Variants in MEI1 observed in about 807,000 individuals in gnomAD.
The protein encoded by MEI1 is meiotic double-stranded break formation protein 1.
A neutral mutation model predicts 146.2 loss-of-function variants in MEI1; 103 were observed. That is an observed-to-expected ratio of 0.70 (90% CI 0.60 to 0.83). The LOEUF is 0.83. MEI1 is among the 40% of genes least tolerant of loss of function. The pLI, the probability that MEI1 is intolerant of heterozygous loss-of-function variation, is 0.00. For missense variants in MEI1, 1,529 were observed against 1,533.0 expected, an observed-to-expected ratio of 1.00 and a Z score of 0.04; for synonymous variants, 652 against 628.2, an observed-to-expected ratio of 1.04 and a Z score of -0.57.
In MEI1 at chr22:41,753,986, T is replaced by C. The variant is rs748650899; in HGVS notation, c.1891T>C (p.Tyr631His). 5.0e-6 allele frequency: 8 copies of C among 1,613,634 alleles called. No individual in the cohort carries two copies. Among genetic ancestry groups the C allele is most frequent in the Non-Finnish European group, 6.8e-6 (8 of 1,179,668 alleles). ...ALNQVCSNFL[Y>H]YMCLNLLSAP... ...AAACCAGGTGTGTTCCAATTTCCTC[T>C]ACTATATGTGCCTCAACCTTCTCTC... Residue 631 changes from tyrosine to histidine, a missense_variant, in exon 17 of 31, where the codon TAC (tyrosine) becomes CAC (histidine). Transcript: ENST00000401548.
chr22:41,732,880 A>G (rs2071987572), intron 11 of MEI1, among the ~76,000 whole-genome samples: 1 of 149,848 alleles, frequency 6.7e-6, no homozygotes, highest in Non-Finnish European at 1.5e-5. Flanking sequence ...TCCTGGGTTC[A>G]AGTGATTCTC....
At chr22:41,730,815 C>G (rs41528750) in intron 9 of MEI1, among the ~76,000 whole-genome samples, 178 bp downstream of exon 9, 2,612 of 152,260 alleles carry the variant, frequency 0.017, 73 homozygotes, top group African/African-American at 0.059. Context: ...TCCAAATGTT[C>G]TGCTGTTCGC....
At chr22:41,758,215 A>T in intron 17 of MEI1, 150 bp from the exon 18 acceptor site, 2 of 611,332 alleles carry the variant, frequency 3.3e-6, no homozygotes, top group South Asian at 6.7e-5. Flanking sequence ...TGCTCAAAGG[A>T]AGAGGAGCCT....
At chr22:41,787,799 T>C (rs2076042720) in intron 26 of MEI1, among the ~76,000 whole-genome samples, 1 of 152,096 alleles carries the variant, frequency 6.6e-6, no homozygotes, top group African/African-American at 2.4e-5. Context: ...ACCACAGAAA[T>C]TAACATTACA....
At chr22:41,747,110 C>G (rs1282381090) in intron 14 of MEI1, among the ~76,000 whole-genome samples, 1 of 151,788 alleles carries the variant, frequency 6.6e-6, no homozygotes, top group Non-Finnish European at 1.5e-5. Context: ...AAGGTGTCAA[C>G]AAGAACAGTG....
At chr22:41,781,644 T>A (rs2148153819) in intron 23 of MEI1, 41 bp from the exon 24 acceptor site, 1 of 1,600,652 alleles carries the variant, frequency 6.2e-7, no homozygotes, top group East Asian at 2.2e-5. Flanking sequence ...CTGAAGCTCC[T>A]CTGTAACTCC....
chr22:41,793,989 C>T (rs911096001), intron 27 of MEI1, 79 bp downstream of exon 27: 1 of 1,272,190 alleles, frequency 7.9e-7, no homozygotes, highest in Non-Finnish European at 1.1e-6. Context: ...CCTGCTCCAG[C>T]CTTCCATTCC....
intron 19 of MEI1, among the ~76,000 whole-genome samples, chr22:41,768,090 AAT>A (rs2074964851): frequency 6.6e-6 from 1 of 152,140 alleles, no homozygotes; most frequent in Non-Finnish European, 1.5e-5. Flanking sequence ...CATGCTTGAA[AAT>A]GAAATTAGGC....
At chr22:41,751,704 G>A (rs866672330) in intron 15 of MEI1, among the ~76,000 whole-genome samples, 6 of 151,424 alleles carry the variant, frequency 4.0e-5, no homozygotes, top group Non-Finnish European at 5.9e-5. Context: ...CCTGCGAGGC[G>A]GAGGTTACAG....
At chr22:41,738,701 G>C (rs1317036852) in intron 11 of MEI1, among the ~76,000 whole-genome samples, 1 of 151,908 alleles carries the variant, frequency 6.6e-6, no homozygotes, top group African/African-American at 2.4e-5. Flanking sequence ...GAACCAGGGA[G>C]TTGGAGGTTG....
Position 41,740,265 on chromosome 22 carries a change from G to C in MEI1, c.1332-2815G>C, listed in dbSNP as rs535313660. Among the ~76,000 whole-genome samples the C allele has an allele frequency of 2.0e-5, 3 of 152,190 alleles. No individual in the cohort carries two copies. The East Asian group carries it at 5.8e-4, about 30-fold the overall frequency. On this transcript the variant is annotated intron_variant, in intron 11 of 30. Coordinates refer to ENST00000401548, the MANE Select transcript of MEI1 (RefSeq NM_152513.4). Reference sequence around the variant, plus strand: ...GAATTCCTGACCTTGTGATCTGCCTGCCTCAGCCTCCCAAAGTGCTGGGAT... The same window carrying C: ...GAATTCCTGACCTTGTGATCTGCCTCCCTCAGCCTCCCAAAGTGCTGGGAT...
chr22:41,781,015 G>A lies in MEI1; in HGVS notation c.2816-269G>A, dbSNP rs1292947720. Among the ~76,000 whole-genome samples, 6 of 152,228 alleles carry A rather than the reference G, an allele frequency of 3.9e-5. 1 individual carries two copies. The highest frequency in any genetic ancestry group is 4.4e-5 in the Non-Finnish European group (3 of 68,038). On this transcript the variant is annotated intron_variant, in intron 22 of 30. Transcript: ENST00000401548. Reference sequence around the variant, plus strand: ...AAAGTTCCCTTGGGAAGGTGGTGACGATGTTCACAGGATGGATCCCTTTGA... The same window carrying A: ...AAAGTTCCCTTGGGAAGGTGGTGACAATGTTCACAGGATGGATCCCTTTGA...
chr22:41,759,913 T>C (rs904704073), intron 18 of MEI1, among the ~76,000 whole-genome samples: 2 of 151,860 alleles, frequency 1.3e-5, no homozygotes, highest in African/African-American at 4.8e-5. Context: ...GTGGCTCACA[T>C]CTGTAATCCC....
chr22:41,701,168 A>G (rs1031432070), intron 1 of MEI1, among the ~76,000 whole-genome samples: 3 of 151,296 alleles, frequency 2.0e-5, no homozygotes, highest in Non-Finnish European at 2.9e-5. Context: ...TGAACTCCCA[A>G]CCTCAGGTGA....
At position 41,795,307 on chromosome 22, in the gene MEI1, G is replaced by A; in HGVS notation, c.3535-104G>A. On this transcript the variant is annotated intron_variant, in intron 28 of 30. Transcript: ENST00000401548. The surrounding 1 kb of genome is among the most constrained non-coding windows in gnomAD (Gnocchi z 4.2). ...AGCTCCTTGAAGGCAGGCAGGTTCT[G>A]TGGGCTTCAGGACAGTGTCTCCTAA... The A allele has an allele frequency of 2.7e-6, 4 of 1,489,048 alleles. No individual in the cohort carries two copies. The highest frequency in any genetic ancestry group is 3.7e-6 in the Non-Finnish European group (4 of 1,092,928). The allele number at this position is 1,489,048 out of a possible 1,614,324, so 92.2% of individuals were successfully genotyped here.
chr22:41,793,800 G>A, intron 26 of MEI1, 29 bp from the exon 27 acceptor site: 1 of 1,532,868 alleles, frequency 6.5e-7, no homozygotes, highest in Non-Finnish European at 8.8e-7. Flanking sequence ...AGCAAAACCT[G>A]ACCTGATTTT....
chr22:41,789,088 G>A (rs1360966843), intron 26 of MEI1, among the ~76,000 whole-genome samples: 4 of 152,198 alleles, frequency 2.6e-5, no homozygotes, highest in Admixed American at 6.5e-5. Context: ...CAAGACGGGC[G>A]GATCACTTGT....
At position 41,743,214 on chromosome 22, in the gene MEI1, C is replaced by G; in HGVS notation, c.1446+20C>G. 1 of 1,545,096 alleles carries G rather than the reference C, an allele frequency of 6.5e-7. No homozygotes were observed. Among genetic ancestry groups the G allele is most frequent in the Non-Finnish European group, 8.9e-7 (1 of 1,118,966 alleles). On this transcript the variant is annotated intron_variant, in intron 12 of 30. Transcript: ENST00000401548. ...CCCCTGGTCAGTGTACTGCAGCCTGCTGCTTCCGAAGATCATGCTGCAGTG... is the reference window on the plus strand; with the variant it reads ...CCCCTGGTCAGTGTACTGCAGCCTGGTGCTTCCGAAGATCATGCTGCAGTG...
At chr22:41,748,794 T>C (rs922865419) in intron 15 of MEI1, among the ~76,000 whole-genome samples, 5 of 151,966 alleles carry the variant, frequency 3.3e-5, no homozygotes, top group Admixed American at 2.6e-4. Flanking sequence ...GGAATCTGAC[T>C]GTAGAACATG....
Sources: gnomAD v4.1 joint callset for allele counts (sites outside exome capture counted in the v4.1 genomes callset) on GRCh38, gnomAD v4.1.1 for gene constraint, Gnocchi (gnomAD v3.1) non-coding constraint, MANE v1.5 for transcripts, NCBI Gene and HGNC (gene_info 2026-07-23, HGNC 2026-07-21) for gene names.